Variants in TENM2 observed in about 807,000 individuals in gnomAD.
TENM2 encodes teneurin-2.
Under a neutral mutation model 245.2 loss-of-function variants are expected in TENM2, and 52 were observed. The observed-to-expected ratio is 0.21, with a 90% CI of 0.17 to 0.27. TENM2 has a LOEUF of 0.27. Ranked by LOEUF, TENM2 falls within the 10% of genes least tolerant of loss-of-function variation. TENM2 has a pLI of 1.00. For missense variants in TENM2, 3,046 were observed against 3,666.8 expected (o/e 0.83, Z 4.37); for synonymous variants, 1,363 against 1,438.9 (o/e 0.95, Z 1.19).
the TENM2 span, chr5:167,116,519 A>G: frequency 6.6e-6 from 1 of 152,192 alleles, no homozygotes; most frequent in Non-Finnish European, 1.5e-5. Flanking sequence ...GTCACAGGCC[A>G]TCCGTTGAGC....
chr5:167,757,486 T>C (rs556297399), intron 2 of TENM2, among the ~76,000 whole-genome samples: 1 of 152,226 alleles, frequency 6.6e-6, no homozygotes, highest in Non-Finnish European at 1.5e-5. Context: ...TTATCCAGTC[T>C]ATCATCGATG....
intron 2 of TENM2, among the ~76,000 whole-genome samples, chr5:167,411,651 A>G (rs188517228): frequency 2.0e-5 from 3 of 151,470 alleles, no homozygotes; most frequent in African/African-American, 7.3e-5. Flanking sequence ...CCAATTTAAG[A>G]CTTAGCTTAA....
chr5:168,038,556 AGAGGGC>A (rs1787905089), intron 5 of TENM2, among the ~76,000 whole-genome samples: 1 of 152,214 alleles, frequency 6.6e-6, no homozygotes, highest in Admixed American at 6.5e-5. Flanking sequence ...GTGAGCATAT[AGAGGGC>A]TTAGAACAGT....
chr5:167,814,028 A>G (rs1442018334), intron 2 of TENM2, among the ~76,000 whole-genome samples: 1 of 152,082 alleles, frequency 6.6e-6, no homozygotes, highest in Non-Finnish European at 1.5e-5. Flanking sequence ...GACACTTAGG[A>G]CGTGAAGAAA....
intron 2 of TENM2, among the ~76,000 whole-genome samples, chr5:167,429,803 C>T (rs2127439971): frequency 6.6e-6 from 1 of 152,152 alleles, no homozygotes; most frequent in South Asian, 2.1e-4. Context: ...GACAGGGTTT[C>T]ACCATGTTGG....
chr5:167,346,687 T>G (rs1053599714), intron 1 of TENM2, among the ~76,000 whole-genome samples: 3 of 152,184 alleles, frequency 2.0e-5, no homozygotes, highest in African/African-American at 7.2e-5. Flanking sequence ...ATAAGCCTCC[T>G]GGGTCAGAGA....
chr5:167,477,764 A>T (rs1435621901), intron 2 of TENM2, among the ~76,000 whole-genome samples: 1 of 152,150 alleles, frequency 6.6e-6, no homozygotes, highest in Non-Finnish European at 1.5e-5. Context: ...CACCAAAAAA[A>T]TAGAGGATAG....
At chr5:167,792,018 A>G (rs1339936911) in intron 2 of TENM2, among the ~76,000 whole-genome samples, 2 of 152,170 alleles carry the variant, frequency 1.3e-5, no homozygotes, top group Non-Finnish European at 2.9e-5. Context: ...AGGTTGAAGT[A>G]TTGTTTTTCC....
At chr5:167,105,234 A>G in the TENM2 span, among the ~76,000 whole-genome samples, 1 of 152,196 alleles carries the variant, frequency 6.6e-6, no homozygotes, top group African/African-American at 2.4e-5. Context: ...TTCTCATGTC[A>G]GTGTTGGTTG....
chr5:167,324,627 G>A (rs1016157646), intron 1 of TENM2, among the ~76,000 whole-genome samples: 2 of 151,564 alleles, frequency 1.3e-5, no homozygotes, highest in African/African-American at 4.8e-5. Flanking sequence ...TTTCAAGAAG[G>A]ATTAACAGTC....
At chr5:167,846,938 A>G (rs1055327924) in intron 2 of TENM2, among the ~76,000 whole-genome samples, 2 of 138,898 alleles carry the variant, frequency 1.4e-5, no homozygotes, top group Non-Finnish European at 1.6e-5. Flanking sequence ...ATTGGACCAC[A>G]GAAGTCATTT....
chr5:167,526,713 T>C (rs1278050665), intron 2 of TENM2, among the ~76,000 whole-genome samples: 1 of 152,178 alleles, frequency 6.6e-6, no homozygotes, highest in Non-Finnish European at 1.5e-5. Context: ...TCCTTCTTTC[T>C]AATTCCTATT....
chr5:167,276,545 A>G, the TENM2 span, among the ~76,000 whole-genome samples: 1 of 152,032 alleles, frequency 6.6e-6, no homozygotes, highest in South Asian at 2.1e-4. Flanking sequence ...CCATTTGTCA[A>G]AGTTATATTG....
the TENM2 span, among the ~76,000 whole-genome samples, chr5:167,245,227 A>T: frequency 6.6e-6 from 1 of 152,198 alleles, no homozygotes; most frequent in Non-Finnish European, 1.5e-5. Flanking sequence ...ACTTAAGGAA[A>T]TATGGCATTT....
chr5:167,165,616 AT>A, the TENM2 span, among the ~76,000 whole-genome samples: 65 of 152,304 alleles, frequency 4.3e-4, no homozygotes, highest in African/African-American at 1.2e-3. Flanking sequence ...CACAAAAAAA[AT>A]CTTATTCTGA....
At chr5:168,176,682 C>T (rs990810812) in intron 13 of TENM2, among the ~76,000 whole-genome samples, 2 of 152,150 alleles carry the variant, frequency 1.3e-5, no homozygotes. Flanking sequence ...GAATCTAGGG[C>T]CATAATCACA....
the TENM2 span, among the ~76,000 whole-genome samples, chr5:167,206,411 G>A: frequency 1.3e-5 from 2 of 152,168 alleles, no homozygotes; most frequent in Non-Finnish European, 2.9e-5. Context: ...GCTTGTTGTA[G>A]TTCCCAATCC....
the TENM2 span, among the ~76,000 whole-genome samples, chr5:167,134,021 ATCT>A: frequency 2.0e-5 from 3 of 152,216 alleles, no homozygotes; most frequent in Non-Finnish European, 4.4e-5. Context: ...GAGAGCTATG[ATCT>A]TCTGCAGAAA....
chr5:167,395,336 G>T (rs1037291968), intron 2 of TENM2, among the ~76,000 whole-genome samples: 4 of 152,040 alleles, frequency 2.6e-5, no homozygotes, highest in African/African-American at 4.8e-5. Context: ...TGTTGATTTT[G>T]TATCCTGCAA....
Sources: gnomAD v4.1 joint callset for allele counts (sites outside exome capture counted in the v4.1 genomes callset) on GRCh38, gnomAD v4.1.1 for gene constraint, MANE v1.5 for transcripts, NCBI Gene and HGNC (gene_info 2026-07-23, HGNC 2026-07-21) for gene names.